Variants in KCNIP1 observed in about 807,000 individuals in gnomAD.
KCNIP1 encodes potassium voltage-gated channel interacting protein 1, also known as A-type potassium channel modulatory protein KCNIP1.
A neutral mutation model predicts 33.0 loss-of-function variants in KCNIP1; 18 were observed. The ratio of observed to expected loss-of-function variants is 0.55; its 90% CI spans 0.38 to 0.81. KCNIP1 has a LOEUF of 0.81. KCNIP1 is among the 30% of genes least tolerant of loss of function. KCNIP1 has a pLI of 0.00. For missense variants in KCNIP1, 238 were observed against 271.6 expected, an observed-to-expected ratio of 0.88 and a Z score of 0.87; for synonymous variants, 93 against 98.3, an observed-to-expected ratio of 0.95 and a Z score of 0.32.
At chr5:170,478,500 T>A (rs1756905940) in intron 1 of KCNIP1, among the ~76,000 whole-genome samples, 2 of 151,438 alleles carry the variant, frequency 1.3e-5, no homozygotes, top group Admixed American at 1.3e-4. Flanking sequence ...CAAAGGTGTG[T>A]TACTTTCTGG....
At position 170,685,013 on chromosome 5, in the gene KCNIP1, T is replaced by G. The variant is rs192269573; in HGVS notation, c.62-33745T>G. ...TTAATCTGTTTATCATATTCTCATT[T>G]TTACACCATCAAGGTTTATAATGCT... is the stretch of plus-strand genomic sequence containing the variant. On this transcript the variant is annotated intron_variant, in intron 1 of 7. Transcript: ENST00000328939. Among the ~76,000 whole-genome samples the G allele has an allele frequency of 2.0e-5, 3 of 152,280 alleles. No homozygotes were observed. The East Asian group carries it at 5.8e-4, about 29-fold the overall frequency.
At position 170,504,473 on chromosome 5, in the gene KCNIP1, C is replaced by A; in HGVS notation, c.-100C>A. 2 of 1,571,022 alleles carry A rather than the reference C, an allele frequency of 1.3e-6. No individual in the cohort carries two copies. The highest frequency in any genetic ancestry group is 2.3e-5 in the East Asian group (1 of 44,084). On this transcript the variant is annotated 5_prime_UTR_variant, in exon 1 of 8. Transcript: ENST00000328939. This position sits in a 1 kb window ranked among gnomAD's most constrained non-coding sequence, Gnocchi z 6.0. ...TGCAGGCGAGCTGCCGGGCGCTTTT[C>A]TCTCCTCCAATTCAGAGTAGACAAA...
intron 1 of KCNIP1, among the ~76,000 whole-genome samples, chr5:170,398,792 GTT>G (rs1484488430): frequency 6.6e-6 from 1 of 152,182 alleles, no homozygotes; most frequent in Non-Finnish European, 1.5e-5. Context: ...TGGGCAGGGG[GTT>G]TTGAGATTAT....
At chr5:170,378,740 G>T (rs986206539) in intron 1 of KCNIP1, 1 of 1,614,008 alleles carries the variant, frequency 6.2e-7, no homozygotes. Context: ...GGTACTGGTT[G>T]CTCTTCACCA....
chr5:170,583,019 T>C (rs1218772303), intron 1 of KCNIP1, among the ~76,000 whole-genome samples: 1 of 152,186 alleles, frequency 6.6e-6, no homozygotes, highest in African/African-American at 2.4e-5. Flanking sequence ...TCCTGAGAAG[T>C]TGCCTACACG....
intron 1 of KCNIP1, among the ~76,000 whole-genome samples, chr5:170,385,848 G>A (rs66790103): frequency 0.22 from 34,050 of 151,880 alleles, 3,879 homozygotes; most frequent in South Asian, 0.28. Context: ...GGCCAGGTGC[G>A]GTGGCTCATG....
chr5:170,586,752 CCCAACTTACAGATCA>C (rs1386640250), intron 1 of KCNIP1, among the ~76,000 whole-genome samples: 1 of 152,210 alleles, frequency 6.6e-6, no homozygotes, highest in Non-Finnish European at 1.5e-5. Flanking sequence ...TTCTGATCTC[CCCAACTTACAGATCA>C]CCACTCCCCT....
At chr5:170,476,975 T>C (rs1194128959) in intron 1 of KCNIP1, among the ~76,000 whole-genome samples, 2 of 152,184 alleles carry the variant, frequency 1.3e-5, no homozygotes, top group African/African-American at 4.8e-5. Context: ...GGTAATAATG[T>C]GTTAATGTCG....
At chr5:170,390,517 A>AAAAAAAAAAATATATATATATATAT in intron 1 of KCNIP1, among the ~76,000 whole-genome samples, 2 of 74,544 alleles carry the variant, frequency 2.7e-5, no homozygotes, top group South Asian at 4.4e-4. Context: ...AAAAAAAACA[A>AAAAAAAAAAATATATATATATATAT]ATATATATAT....
Position 170,703,433 on chromosome 5 carries a change from T to A in KCNIP1, c.62-15325T>A, listed in dbSNP as rs558101658. Among the ~76,000 whole-genome samples, 131 of 137,818 alleles carry A rather than the reference T, an allele frequency of 9.5e-4. 20 individuals are homozygous for A. The highest frequency in any genetic ancestry group is 1.1e-3 in the Non-Finnish European group (75 of 65,660). The allele number at this position is 137,818 out of a possible 152,430, so 90.4% of individuals were successfully genotyped here. A position where few individuals can be genotyped will look rare whatever the true frequency, so the allele number is the denominator to read the frequency against. ...CAGATTTCTAAAGGAAAGCCAAAAGTTCATATTTTTATGTGAAATAAATGT... is the reference window on the plus strand; with the variant it reads ...CAGATTTCTAAAGGAAAGCCAAAAGATCATATTTTTATGTGAAATAAATGT... On this transcript the variant is annotated intron_variant, in intron 1 of 7. Transcript: ENST00000328939.
chr5:170,504,210 G>T lies in KCNIP1; in HGVS notation c.-363G>T. 9.6e-7 allele frequency: 1 copy of T among 1,043,816 alleles called. No homozygotes were observed. The highest frequency in any genetic ancestry group is 1.2e-6 in the Non-Finnish European group (1 of 868,880). 64.7% of individuals were successfully genotyped at this position (1,043,816 alleles called of 1,614,324 possible). On this transcript the variant is annotated 5_prime_UTR_variant, in exon 1 of 8. Coordinates refer to ENST00000328939, the MANE Select transcript of KCNIP1 (RefSeq NM_014592.4). The surrounding 1 kb of genome is among the most constrained non-coding windows in gnomAD (Gnocchi z 6.0). ...GGACGGCGGCTCCCGCACCGCACGCGGCGCTGGCTCGGCAGCCTCGGCCGG... is the reference window on the plus strand; with the variant it reads ...GGACGGCGGCTCCCGCACCGCACGCTGCGCTGGCTCGGCAGCCTCGGCCGG...
chr5:170,553,261 C>T (rs1019380888), intron 1 of KCNIP1, among the ~76,000 whole-genome samples: 7 of 152,220 alleles, frequency 4.6e-5, no homozygotes, highest in African/African-American at 1.4e-4. Context: ...ACCCCTGTGT[C>T]GAAACCTGTG....
At chr5:170,547,873 T>A (rs554538498) in intron 1 of KCNIP1, among the ~76,000 whole-genome samples, 27 of 152,182 alleles carry the variant, frequency 1.8e-4, no homozygotes, top group Non-Finnish European at 3.4e-4. Flanking sequence ...TTCCATTCTT[T>A]TAGGTATATA....
At chr5:170,506,732 A>G (rs1162548144) in intron 1 of KCNIP1, among the ~76,000 whole-genome samples, 3 of 152,300 alleles carry the variant, frequency 2.0e-5, no homozygotes, top group African/African-American at 7.2e-5. Context: ...TTTGAGGCTC[A>G]TAGCAGGTTC....
At chr5:170,578,384 G>T (rs570572706) in intron 1 of KCNIP1, among the ~76,000 whole-genome samples, 29 of 152,310 alleles carry the variant, frequency 1.9e-4, no homozygotes, top group African/African-American at 5.8e-4. Flanking sequence ...GGTGGGAGTG[G>T]GGGAACTGGC....
At chr5:170,629,716 C>A (rs1344441378) in intron 1 of KCNIP1, among the ~76,000 whole-genome samples, 2 of 152,182 alleles carry the variant, frequency 1.3e-5, no homozygotes, top group African/African-American at 4.8e-5. Context: ...TTCACCTCCA[C>A]AACCCCGGCA....
chr5:170,672,813 G>A (rs892808482), intron 1 of KCNIP1, among the ~76,000 whole-genome samples: 2 of 152,210 alleles, frequency 1.3e-5, no homozygotes, highest in Non-Finnish European at 2.9e-5. Context: ...GGCAAGCATT[G>A]TTCATTCTGA....
chr5:170,549,836 G>A (rs998121579), intron 1 of KCNIP1, among the ~76,000 whole-genome samples: 1 of 152,274 alleles, frequency 6.6e-6, no homozygotes, highest in Non-Finnish European at 1.5e-5. Flanking sequence ...GAACTTGGAG[G>A]AGTAATAATT....
intron 1 of KCNIP1, among the ~76,000 whole-genome samples, chr5:170,446,399 C>A (rs569636551): frequency 1.0e-5 from 1 of 99,996 alleles, no homozygotes; most frequent in South Asian, 4.1e-4. Flanking sequence ...GTGTACTAAC[C>A]TTTGACCTTG....
Sources: allele counts gnomAD v4.1 joint callset (sites outside exome capture counted in the v4.1 genomes callset), GRCh38; gene constraint gnomAD v4.1.1; non-coding constraint Gnocchi (gnomAD v3.1); transcripts MANE v1.5; gene names NCBI Gene and HGNC (gene_info 2026-07-23, HGNC 2026-07-21).